SLC24A2: variants seen among roughly 807,000 people sequenced by gnomAD.
SLC24A2 encodes the protein sodium/potassium/calcium exchanger 2.
SLC24A2 carries 36 observed loss-of-function variants against 62.0 expected under a neutral mutation model. The observed-to-expected ratio is 0.58, with a 90% CI of 0.44 to 0.77. The LOEUF (loss-of-function observed/expected upper bound fraction) is 0.77, where lower values mean the gene tolerates loss of function less well. Among genes scored for constraint, SLC24A2 ranks in the 30% least tolerant of loss-of-function variants. SLC24A2 has a pLI of 0.00. For missense variants in SLC24A2, 846 were observed against 817.9 expected (o/e 1.03, Z -0.42); for synonymous variants, 358 against 294.0 (o/e 1.22, Z -2.23).
the SLC24A2 span, among the ~76,000 whole-genome samples, chr9:20,056,018 T>C: frequency 2.0e-5 from 3 of 152,170 alleles, no homozygotes; most frequent in Admixed American, 1.3e-4. Context: ...AATTTAGAAA[T>C]TGAAGTTTAC....
chr9:20,226,868 T>G, the SLC24A2 span, among the ~76,000 whole-genome samples: 1 of 152,184 alleles, frequency 6.6e-6, no homozygotes, highest in Non-Finnish European at 1.5e-5. Context: ...TAGAGATACA[T>G]CCAGCCAGCG....
At chr9:20,150,443 T>C in the SLC24A2 span, among the ~76,000 whole-genome samples, 1 of 152,006 alleles carries the variant, frequency 6.6e-6, no homozygotes, top group Non-Finnish European at 1.5e-5. Flanking sequence ...TACTATTCAA[T>C]GCATTAAATG....
chr9:19,564,801 T>C (rs921471963), intron 7 of SLC24A2, among the ~76,000 whole-genome samples: 3 of 152,190 alleles, frequency 2.0e-5, no homozygotes, highest in Non-Finnish European at 4.4e-5. Flanking sequence ...TTTGCAAGTC[T>C]CTCCCCCTTC....
chr9:20,043,512 T>C, the SLC24A2 span, among the ~76,000 whole-genome samples: 1 of 152,184 alleles, frequency 6.6e-6, no homozygotes, highest in African/African-American at 2.4e-5. Flanking sequence ...TTAAGGGCAT[T>C]TGTGATTCAT....
At chr9:20,193,135 C>G in the SLC24A2 span, among the ~76,000 whole-genome samples, 3 of 152,086 alleles carry the variant, frequency 2.0e-5, no homozygotes, top group African/African-American at 7.2e-5. Flanking sequence ...GGTGGTAGAA[C>G]AGTCCACATG....
At chr9:19,988,532 T>C in the SLC24A2 span, among the ~76,000 whole-genome samples, 4 of 152,260 alleles carry the variant, frequency 2.6e-5, no homozygotes, top group African/African-American at 2.4e-5. Flanking sequence ...TCTGGTGCCA[T>C]TGTTTTTTAC....
chr9:19,631,437 T>C (rs917106182), intron 2 of SLC24A2, among the ~76,000 whole-genome samples: 17 of 152,168 alleles, frequency 1.1e-4, no homozygotes, highest in Non-Finnish European at 2.2e-4. Context: ...CCTCCCTTCT[T>C]TGAACTCCTG....
the SLC24A2 span, among the ~76,000 whole-genome samples, chr9:19,903,378 C>T: frequency 6.6e-6 from 1 of 152,144 alleles, no homozygotes; most frequent in Non-Finnish European, 1.5e-5. Flanking sequence ...TATAAGGACA[C>T]CAATCCCATC....
intron 2 of SLC24A2, among the ~76,000 whole-genome samples, chr9:19,725,524 T>C (rs1477709420): frequency 6.6e-6 from 1 of 152,178 alleles, no homozygotes. Flanking sequence ...GTAAACTGTC[T>C]TCATAATAAG....
the SLC24A2 span, among the ~76,000 whole-genome samples, chr9:20,268,264 T>C: frequency 2.0e-5 from 3 of 152,102 alleles, no homozygotes; most frequent in Admixed American, 2.0e-4. Context: ...AATAGCCCCA[T>C]GGTCTTCTTC....
At chr9:20,065,936 A>T in the SLC24A2 span, among the ~76,000 whole-genome samples, 1 of 152,176 alleles carries the variant, frequency 6.6e-6, no homozygotes, top group Admixed American at 6.6e-5. Flanking sequence ...GAAGGATAAA[A>T]ACACACCACT....
the SLC24A2 span, among the ~76,000 whole-genome samples, chr9:20,232,926 T>C: frequency 6.6e-6 from 1 of 152,206 alleles, no homozygotes; most frequent in South Asian, 2.1e-4. Flanking sequence ...GTATGTGGTG[T>C]CTTTGTTCTC....
chr9:20,021,364 T>C, the SLC24A2 span, among the ~76,000 whole-genome samples: 6 of 151,828 alleles, frequency 4.0e-5, no homozygotes, highest in Non-Finnish European at 5.9e-5. Flanking sequence ...TATATATATT[T>C]ATATATACAC....
At chr9:19,634,429 C>T (rs1466193615) in intron 2 of SLC24A2, among the ~76,000 whole-genome samples, 1 of 152,024 alleles carries the variant, frequency 6.6e-6, no homozygotes, top group East Asian at 1.9e-4. Flanking sequence ...GCTGGGAATA[C>T]AGGCATGCGC....
chr9:19,991,642 G>A, the SLC24A2 span, among the ~76,000 whole-genome samples: 1 of 152,152 alleles, frequency 6.6e-6, no homozygotes, highest in Non-Finnish European at 1.5e-5. Context: ...GGTTCCAAAT[G>A]CTATGCTTAT....
chr9:19,885,317 C>G, the SLC24A2 span, among the ~76,000 whole-genome samples: 1 of 152,232 alleles, frequency 6.6e-6, no homozygotes, highest in Admixed American at 6.5e-5. Flanking sequence ...GGGAGCTATG[C>G]TATTACTGGA....
chr9:19,580,518 A>G (rs1045979033), intron 5 of SLC24A2, among the ~76,000 whole-genome samples: 2 of 152,248 alleles, frequency 1.3e-5, no homozygotes, highest in Non-Finnish European at 2.9e-5. Flanking sequence ...CTGGGGCAGA[A>G]GCCAGCAGAG....
the SLC24A2 span, among the ~76,000 whole-genome samples, chr9:20,298,363 G>A: frequency 1.3e-5 from 2 of 152,180 alleles, no homozygotes; most frequent in Non-Finnish European, 2.9e-5. Flanking sequence ...CAAGTAGCCA[G>A]GATTACAGGC....
intron 2 of SLC24A2, among the ~76,000 whole-genome samples, chr9:19,784,973 T>G (rs894001431): frequency 1.4e-5 from 2 of 144,592 alleles, no homozygotes; most frequent in Admixed American, 7.2e-5. Flanking sequence ...CAAATATCTG[T>G]TTTTTGCATA....
Sources: allele counts gnomAD v4.1 joint callset (sites outside exome capture counted in the v4.1 genomes callset), GRCh38; gene constraint gnomAD v4.1.1; transcripts MANE v1.5; gene names NCBI Gene and HGNC (gene_info 2026-07-23, HGNC 2026-07-21).